Variants in PIP5K1A observed in about 807,000 individuals in gnomAD.
PIP5K1A encodes phosphatidylinositol 4-phosphate 5-kinase type-1 alpha.
A neutral mutation model predicts 72.9 loss-of-function variants in PIP5K1A; 46 were observed. That is an observed-to-expected ratio of 0.63 (90% CI 0.50 to 0.81). The LOEUF (loss-of-function observed/expected upper bound fraction) is 0.81. Among genes scored for constraint, PIP5K1A ranks in the 30% least tolerant of loss-of-function variants. The pLI, the probability that PIP5K1A is intolerant of heterozygous loss-of-function variation, is 0.00. For missense variants in PIP5K1A, 458 were observed against 706.1 expected, an observed-to-expected ratio of 0.65 and a Z score of 3.98; for synonymous variants, 228 against 255.1, an observed-to-expected ratio of 0.89 and a Z score of 1.01.
intron 4 of PIP5K1A, among the ~76,000 whole-genome samples, chr1:151,231,306 G>A (rs1055615465): frequency 1.3e-5 from 2 of 152,016 alleles, no homozygotes; most frequent in Non-Finnish European, 2.9e-5. Flanking sequence ...TACACTCTGG[G>A]GGCAGAAACC....
At chr1:151,242,838 ATT>A (rs1691952306) in intron 14 of PIP5K1A, among the ~76,000 whole-genome samples, 1 of 152,058 alleles carries the variant, frequency 6.6e-6, no homozygotes, top group African/African-American at 2.4e-5. Context: ...TTTTAAGCTT[ATT>A]TATGTGGTTA....
At chr1:151,210,352 G>GT (rs749410222) in intron 1 of PIP5K1A, among the ~76,000 whole-genome samples, 10,221 of 143,926 alleles carry the variant, frequency 0.071, 435 homozygotes, top group Non-Finnish European at 0.11. Flanking sequence ...CCACACTGCT[G>GT]TTTTTTTTTT....
intron 15 of PIP5K1A, 110 bp from the exon 16 acceptor site, chr1:151,247,753 G>A (rs1692721570): frequency 1.2e-6 from 1 of 860,818 alleles, no homozygotes; most frequent in Admixed American, 2.3e-5. Flanking sequence ...AATATTTTTG[G>A]TACCTCATAC....
Position 151,248,016 on chromosome 1 carries a change from T to G in PIP5K1A, c.*151T>G, listed in dbSNP as rs1692756338. 5.6e-6 allele frequency: 4 copies of G among 709,776 alleles called. No individual in the cohort carries two copies. Among genetic ancestry groups the G allele is most frequent in the Non-Finnish European group, 1.0e-5 (4 of 400,428 alleles). The allele number at this position is 709,776 out of a possible 1,614,324, so 44.0% of individuals were successfully genotyped here. ...GAGGGGAGCTGCTCCTCCATCTTCT[T>G]CCTGAAGAAGAACCTTCTCTCCTTC... On this transcript the variant is annotated 3_prime_UTR_variant, in exon 16 of 16. Transcript: ENST00000368888.
At chr1:151,206,791 C>T (rs587655776) in intron 1 of PIP5K1A, among the ~76,000 whole-genome samples, 1 of 152,234 alleles carries the variant, frequency 6.6e-6, no homozygotes, top group East Asian at 1.9e-4. Context: ...GTCTCTAACC[C>T]CTGACCTCAG....
At chr1:151,211,670 C>G (rs1450051104) in intron 1 of PIP5K1A, among the ~76,000 whole-genome samples, 1 of 148,276 alleles carries the variant, frequency 6.7e-6, no homozygotes, top group African/African-American at 2.5e-5. Flanking sequence ...GTGGCGGGCG[C>G]GTGTAGTCCC....
At chr1:151,219,707 C>T (rs1046720473) in intron 1 of PIP5K1A, among the ~76,000 whole-genome samples, 1 of 150,400 alleles carries the variant, frequency 6.6e-6, no homozygotes, top group East Asian at 2.0e-4. Context: ...AAAAAAGAAA[C>T]AAAACTGGAA....
chr1:151,205,288 G>A (rs1215703094), intron 1 of PIP5K1A, among the ~76,000 whole-genome samples: 2 of 152,240 alleles, frequency 1.3e-5, no homozygotes, highest in East Asian at 3.9e-4. Context: ...CGATTCTCCT[G>A]CCTCAGCCTC....
Position 151,234,328 on chromosome 1 carries a change from A to G in PIP5K1A, c.771A>G (p.Lys257=). The G allele has an allele frequency of 6.2e-7, 1 of 1,614,124 alleles. No individual in the cohort carries two copies. The highest frequency in any genetic ancestry group is 1.3e-5 in the African/African-American group (1 of 75,052). Residue 257 remains lysine, a synonymous_variant, in exon 8 of 16, where the codon AAA becomes AAG. Transcript: ENST00000368888. Reference sequence around the variant, plus strand: ...CAAGATCGGTAAAAATGCATATCAAATATGACCTCAAAGGCTCAACCTACA... The same window carrying G: ...CAAGATCGGTAAAAATGCATATCAAGTATGACCTCAAAGGCTCAACCTACA... ...LLPRSVKMHI[K]YDLKGSTYKR... is the part of the protein sequence containing the mutation.
chr1:151,240,061 A>T, intron 12 of PIP5K1A, 22 bp downstream of exon 12: 1 of 1,547,882 alleles, frequency 6.5e-7, no homozygotes, highest in African/African-American at 1.4e-5. Context: ...CTACCAATTG[A>T]CTGCCTACTC....
intron 1 of PIP5K1A, among the ~76,000 whole-genome samples, chr1:151,207,284 A>G (rs918090903): frequency 5.3e-5 from 8 of 152,224 alleles, no homozygotes; most frequent in Non-Finnish European, 1.0e-4. Context: ...CCTCTTGGCC[A>G]TGGGTAGCTT....
At chr1:151,202,464 C>T (rs1685335589) in intron 1 of PIP5K1A, among the ~76,000 whole-genome samples, 1 of 152,124 alleles carries the variant, frequency 6.6e-6, no homozygotes, top group Admixed American at 6.6e-5. Flanking sequence ...CTTCCAATCG[C>T]AAATAAAATC....
Position 151,236,654 on chromosome 1 carries a change from T to C in PIP5K1A, c.1036T>C (p.Tyr346His), listed in dbSNP as rs962167295. 44 of 1,613,272 alleles carry C rather than the reference T, an allele frequency of 2.7e-5. No homozygotes were observed. The highest frequency in any genetic ancestry group is 3.6e-5 in the Non-Finnish European group (43 of 1,179,634). The change falls in exon 9 of 16, where the codon TAC becomes CAC. Residue 346 changes from tyrosine to histidine, a missense_variant. By Grantham distance (83) the Tyr-to-His change is moderately conservative. Coordinates refer to ENST00000368888, the MANE Select transcript of PIP5K1A (RefSeq NM_001135638.2). The stretch of plus-strand genomic sequence containing the variant: ...AGAGCCCTTAAGCAGTGAAACACAG[T>C]ACTCAGTTGATACTCGAAGACCGGC... Reference protein sequence around the residue: ...QREPLSSETQYSVDTRRPAPQ... With the variant: ...QREPLSSETQHSVDTRRPAPQ...
At position 151,213,014 on chromosome 1, in the gene PIP5K1A, T is replaced by C. The variant is rs587732625; in HGVS notation, c.86-11231T>C. On this transcript the variant is annotated intron_variant, in intron 1 of 15. Coordinates refer to ENST00000368888, the MANE Select transcript of PIP5K1A (RefSeq NM_001135638.2). ...CATGCCATTCTCCTGCCTCAGCCTC[T>C]GGAGTAGCTGGAACTACAGGCGCCC... is the stretch of plus-strand genomic sequence containing the variant. Among the ~76,000 whole-genome samples, 1,104 of 150,986 alleles carry C rather than the reference T, an allele frequency of 7.3e-3. 14 individuals carry two copies. The highest frequency in any genetic ancestry group is 0.025 in the African/African-American group (1,020 of 41,144).
chr1:151,196,305 C>G (rs1684554577), upstream of PIP5K1A, among the ~76,000 whole-genome samples: 1 of 152,112 alleles, frequency 6.6e-6, no homozygotes, highest in Non-Finnish European at 1.5e-5. Flanking sequence ...TACCTATGAG[C>G]CAAATCCTGT....
At chr1:151,231,114 T>C (rs1296674497) in intron 4 of PIP5K1A, among the ~76,000 whole-genome samples, 1 of 148,458 alleles carries the variant, frequency 6.7e-6, no homozygotes, top group Non-Finnish European at 1.5e-5. Flanking sequence ...GGCTGAGGCA[T>C]GAGAATCGCT....
chr1:151,223,163 C>T (rs1007825552), intron 1 of PIP5K1A, among the ~76,000 whole-genome samples: 1 of 151,034 alleles, frequency 6.6e-6, no homozygotes, highest in Non-Finnish European at 1.5e-5. Flanking sequence ...CCACCCTGGC[C>T]GACATGATGA....
chr1:151,203,161 A>G (rs1239369702), intron 1 of PIP5K1A, among the ~76,000 whole-genome samples: 3 of 152,128 alleles, frequency 2.0e-5, no homozygotes, highest in African/African-American at 7.2e-5. Context: ...GTTAGAAGGG[A>G]TAGGATACTA....
chr1:151,236,466 A>T, intron 8 of PIP5K1A, 92 bp from the exon 9 acceptor site: 2 of 814,330 alleles, frequency 2.5e-6, no homozygotes, highest in Non-Finnish European at 4.0e-6. Flanking sequence ...ACAGATTGAT[A>T]CCCTTTCTCA....
Sources: allele counts gnomAD v4.1 joint callset (sites outside exome capture counted in the v4.1 genomes callset), GRCh38; gene constraint gnomAD v4.1.1; transcripts MANE v1.5; gene names NCBI Gene and HGNC (gene_info 2026-07-23, HGNC 2026-07-21).